TMEM161B: variants seen among roughly 807,000 people sequenced by gnomAD.
TMEM161B encodes the protein transmembrane protein 161B.
Under a neutral mutation model 61.8 loss-of-function variants are expected in TMEM161B, and 34 were observed. The ratio of observed to expected loss-of-function variants is 0.55; its 90% CI spans 0.42 to 0.73. The LOEUF (loss-of-function observed/expected upper bound fraction) is 0.73, where lower values mean the gene tolerates loss of function less well. TMEM161B is among the 30% of genes least tolerant of loss of function. The probability of loss-of-function intolerance (pLI) is 0.00; values close to 1 mark genes in which losing one functional copy is unlikely to be tolerated. For missense variants in TMEM161B, 456 were observed against 558.5 expected, an observed-to-expected ratio of 0.82 and a Z score of 1.85; for synonymous variants, 167 against 192.8, an observed-to-expected ratio of 0.87 and a Z score of 1.11.
At chr5:88,246,979 C>T (rs1753700457) in intron 1 of TMEM161B, among the ~76,000 whole-genome samples, 1 of 151,924 alleles carries the variant, frequency 6.6e-6, no homozygotes, top group African/African-American at 2.4e-5. Flanking sequence ...CACTGATTCT[C>T]TTGATAACTG....
intron 3 of TMEM161B, among the ~76,000 whole-genome samples, chr5:88,226,891 C>T (rs1750141765): frequency 6.6e-6 from 1 of 152,070 alleles, no homozygotes; most frequent in Non-Finnish European, 1.5e-5. Context: ...CCAGGAAGAT[C>T]GAGGCAGGAG....
At position 88,207,224 on chromosome 5, in the gene TMEM161B, G is replaced by T. The variant is rs1321475509; in HGVS notation, c.447-44C>A. 5.8e-6 allele frequency: 9 copies of T among 1,557,382 alleles called. No homozygotes were observed. The Admixed American group carries it at 1.7e-4, about 30-fold the overall frequency. ...AGGAAAAACCACAATAAATTTATAG[G>T]AGCTATACACAATGATCTTTATAGG... On this transcript the variant is annotated intron_variant, in intron 5 of 11. Coordinates refer to ENST00000296595, the MANE Select transcript of TMEM161B (RefSeq NM_153354.5).
chr5:88,220,255 T>C, intron 5 of TMEM161B, among the ~76,000 whole-genome samples: 1 of 151,958 alleles, frequency 6.6e-6, no homozygotes. Context: ...AATATATAAA[T>C]AGTAACATTA....
downstream of TMEM161B, among the ~76,000 whole-genome samples, chr5:88,185,714 C>T (rs567990326): frequency 9.9e-5 from 15 of 152,100 alleles, no homozygotes; most frequent in African/African-American, 3.1e-4. Context: ...TAGTTAAATA[C>T]CAGACAGGAT....
chr5:88,235,167 A>G (rs577624480), intron 2 of TMEM161B, among the ~76,000 whole-genome samples: 1 of 152,320 alleles, frequency 6.6e-6, no homozygotes, highest in African/African-American at 2.4e-5. Flanking sequence ...GAAAATATAG[A>G]ATGTCCTGAC....
chr5:88,260,312 T>A (rs1187075501), intron 1 of TMEM161B, among the ~76,000 whole-genome samples: 1 of 152,232 alleles, frequency 6.6e-6, no homozygotes, highest in African/African-American at 2.4e-5. Context: ...TTCAGCTAAA[T>A]GTTCAACAGT....
At chr5:88,243,196 A>G (rs1340190004) in intron 1 of TMEM161B, among the ~76,000 whole-genome samples, 1 of 151,740 alleles carries the variant, frequency 6.6e-6, no homozygotes, top group Non-Finnish European at 1.5e-5. Flanking sequence ...CTAGGTAATG[A>G]GCATAGTACC....
At chr5:88,264,153 A>T (rs977049450) in intron 1 of TMEM161B, among the ~76,000 whole-genome samples, 4 of 147,176 alleles carry the variant, frequency 2.7e-5, no homozygotes, top group East Asian at 2.0e-4. Flanking sequence ...GTAAGGATTT[A>T]AAAAAAAAAA....
chr5:88,268,070 C>G (rs1756645345), intron 1 of TMEM161B, among the ~76,000 whole-genome samples: 1 of 152,144 alleles, frequency 6.6e-6, no homozygotes, highest in East Asian at 1.9e-4. Context: ...AAGACAAACC[C>G]TTTCTGCCTA....
chr5:88,214,109 A>G (rs1747377890), intron 5 of TMEM161B, among the ~76,000 whole-genome samples: 1 of 152,252 alleles, frequency 6.6e-6, no homozygotes, highest in Non-Finnish European at 1.5e-5. Context: ...ATCTACATAT[A>G]GAACTGATTA....
rs1030406921 is a variant in TMEM161B, at chr5:88,204,089, G to A, written c.801-1014C>T. On this transcript the variant is annotated intron_variant, in intron 8 of 11. Transcript: ENST00000296595. ...TCACTACATAGGCAGACAGTGATCT[G>A]TGTGAGTGAACAGGGCTGGGTCAGG... 9.9e-5 allele frequency among the ~76,000 whole-genome samples: 15 copies of A among 152,100 alleles called. No individual in the cohort carries two copies. The East Asian group carries it at 2.7e-3, about 27-fold the overall frequency.
intron 1 of TMEM161B, among the ~76,000 whole-genome samples, chr5:88,251,374 T>C (rs1754324179): frequency 1.3e-5 from 2 of 151,978 alleles, no homozygotes; most frequent in Non-Finnish European, 1.5e-5. Flanking sequence ...AATAAGGGAT[T>C]ATAAAAACTA....
At chr5:88,260,766 A>G (rs1345385545) in intron 1 of TMEM161B, among the ~76,000 whole-genome samples, 1 of 152,230 alleles carries the variant, frequency 6.6e-6, no homozygotes, top group East Asian at 1.9e-4. Flanking sequence ...AAATAGCAGC[A>G]TACAAGCACA....
chr5:88,206,993 G>A (rs755299262), intron 6 of TMEM161B, 36 bp downstream of exon 6: 1 of 1,597,176 alleles, frequency 6.3e-7, no homozygotes, highest in South Asian at 1.1e-5. Context: ...ACTAGATAAA[G>A]CAAAATTGAT....
downstream of TMEM161B, among the ~76,000 whole-genome samples, chr5:88,188,268 C>T (rs1046684114): frequency 1.7e-5 from 2 of 117,668 alleles, no homozygotes; most frequent in Admixed American, 2.0e-4. Flanking sequence ...CCATGTCCAG[C>T]TAATTTTTGT....
Position 88,203,003 on chromosome 5 carries a change from G to A in TMEM161B, c.873C>T (p.Asp291=). 6.2e-7 allele frequency: 1 copy of A among 1,612,076 alleles called. No homozygotes were observed. The highest frequency in any genetic ancestry group is 8.5e-7 in the Non-Finnish European group (1 of 1,178,402). Residue 291 remains aspartate (D), a synonymous_variant, in exon 9 of 12, where the codon GAC becomes GAT. Transcript: ENST00000296595. ...VLLWVKPITK[D]YIMNPPLGKE... ...TGCCCAGTGGTGGGTTCATAATGTA[G>A]TCTTTGGTGATTGGTTTTACCCAGA... is the stretch of plus-strand genomic sequence containing the variant.
At chr5:88,189,953 C>T (rs974411065) in exon 13 of TMEM161B, 11 of 653,372 alleles carry the variant, frequency 1.7e-5, no homozygotes, top group African/African-American at 1.6e-4. Context: ...TCCATGTGAT[C>T]CCCAGTACCT....
chr5:88,188,363 G>A (rs958513609), downstream of TMEM161B, among the ~76,000 whole-genome samples: 24 of 151,130 alleles, frequency 1.6e-4, no homozygotes, highest in Admixed American at 9.9e-4. Context: ...TGATCCACCC[G>A]TCTCAGCCTC....
intron 2 of TMEM161B, among the ~76,000 whole-genome samples, chr5:88,229,106 C>A (rs1020842053): frequency 2.6e-5 from 4 of 152,050 alleles, no homozygotes; most frequent in Non-Finnish European, 4.4e-5. Context: ...TGGTTGTATC[C>A]CTCTCTACCA....
Sources: gnomAD v4.1 joint callset for allele counts (sites outside exome capture counted in the v4.1 genomes callset) on GRCh38, gnomAD v4.1.1 for gene constraint, MANE v1.5 for transcripts, NCBI Gene and HGNC (gene_info 2026-07-23, HGNC 2026-07-21) for gene names.